Variants in TRMT1 observed in about 807,000 individuals in gnomAD.
TRMT1 encodes the protein tRNA methyltransferase 1.
TRMT1 carries 63 observed loss-of-function variants against 75.4 expected under a neutral mutation model. The observed-to-expected ratio is 0.84, with a 90% CI of 0.68 to 1.03. The LOEUF is 1.03. TRMT1 is among the 50% of genes least tolerant of loss of function. The probability of loss-of-function intolerance (pLI) is 0.00; values close to 1 mark genes in which losing one functional copy is unlikely to be tolerated. For missense variants in TRMT1, 870 were observed against 905.3 expected (o/e 0.96, Z 0.50); for synonymous variants, 382 against 358.1 (o/e 1.07, Z -0.75).
rs369400027 is a variant in TRMT1 at position 13,111,875 on chromosome 19, A to T, written c.870+830T>A. 2.1e-4 allele frequency among the ~76,000 whole-genome samples: 30 copies of T among 144,884 alleles called. No homozygotes were observed. The East Asian group carries it at 4.8e-3, about 23-fold the overall frequency. ...CTACCATGCCTGGCTAAGTTTTTGT[A>T]TGTTTAGTGGAGATCAGATTTCACC... On this transcript the variant is annotated intron_variant, in intron 7 of 16. Coordinates refer to ENST00000357720, the MANE Select transcript of TRMT1 (RefSeq NM_001136035.4).
At chr19:13,110,452 A>G (rs2145586466) in intron 7 of TRMT1, 146 bp from the exon 8 acceptor site, 1 of 879,138 alleles carries the variant, frequency 1.1e-6, no homozygotes, top group South Asian at 1.8e-5. Context: ...GGGACCCTCA[A>G]CAAGTGAGTA....
chr19:13,109,967 C>T lies in TRMT1; in HGVS notation c.1054G>A (p.Gly352Arg), dbSNP rs201563082. 92 of 1,613,722 alleles carry T rather than the reference C, an allele frequency of 5.7e-5. No individual in the cohort carries two copies. The East Asian group carries it at 6.7e-4, about 12-fold the overall frequency. Residue 352 changes from glycine to arginine, a missense_variant, in exon 9 of 17, where the codon GGG (glycine) becomes AGG (arginine). Coordinates refer to ENST00000357720, the MANE Select transcript of TRMT1 (RefSeq NM_001136035.4). ...CCGAGACGCTGAAGGTGGAAGGCCC[C>T]GCAGCCCACACACTGGAACACCAGC... ...QALVFQCVGC[G>R]AFHLQRLGKA...
chr19:13,116,228 T>C lies in TRMT1; in HGVS notation c.172A>G (p.Thr58Ala), dbSNP rs758792485. ...AAGGCGATTTTGGCAGCCCCCTCGG[T>C]GACTGTCGTCTCCTGGACTTCACGT... ...RPREVQETTV[T>A]EGAAKIAFPS... The change falls in exon 2 of 17, where the codon ACC (threonine) becomes GCC (alanine). Residue 58 changes from threonine to alanine, a missense_variant. Coordinates refer to ENST00000357720, the MANE Select transcript of TRMT1 (RefSeq NM_001136035.4). The C allele has an allele frequency of 6.0e-5, 97 of 1,614,182 alleles. No homozygotes were observed. The highest frequency in any genetic ancestry group is 8.1e-5 in the Non-Finnish European group (96 of 1,180,034).
intron 5 of TRMT1, 129 bp downstream of exon 5, chr19:13,115,150 A>G: frequency 4.0e-6 from 4 of 1,010,082 alleles, no homozygotes; most frequent in East Asian, 2.6e-5. Context: ...CTCAGTTGAC[A>G]GACAAGGAAA....
chr19:13,109,241 A>G (rs1262463943), intron 12 of TRMT1, 140 bp downstream of exon 12: 5 of 977,110 alleles, frequency 5.1e-6, no homozygotes, highest in Non-Finnish European at 7.5e-6. Flanking sequence ...CAGCCTCCCA[A>G]GGTACTGGGA....
intron 7 of TRMT1, among the ~76,000 whole-genome samples, chr19:13,110,877 G>A (rs916725713): frequency 6.6e-6 from 1 of 152,294 alleles, no homozygotes; most frequent in African/African-American, 2.4e-5. Flanking sequence ...TTGAACCTGG[G>A]AGGCGAAGGT....
chr19:13,109,763 C>A lies in TRMT1; in HGVS notation c.1176+6G>T. The A allele has an allele frequency of 6.2e-7, 1 of 1,614,136 alleles. No homozygotes were observed. The highest frequency in any genetic ancestry group is 8.5e-7 in the Non-Finnish European group (1 of 1,180,026). On this transcript the variant is annotated splice_donor_region_variant and intron_variant, in intron 10 of 16. Transcript: ENST00000357720. ...TGCTCCTTTGCCTCCCCTGGCCTAG[C>A]CCTACCTGGTGTCGTTGCCCACAGT...
chr19:13,106,924 C>T (rs2018900024), intron 14 of TRMT1, among the ~76,000 whole-genome samples: 3 of 144,712 alleles, frequency 2.1e-5, no homozygotes, highest in South Asian at 4.5e-4. Flanking sequence ...CCGGGGTTCA[C>T]GCCATTCTCC....
At chr19:13,115,826 C>T (rs2019324563) in intron 3 of TRMT1, 58 bp from the exon 4 acceptor site, 1 of 1,610,088 alleles carries the variant, frequency 6.2e-7, no homozygotes. Flanking sequence ...GAGAAACCTC[C>T]CCTTAATCTC....
At chr19:13,115,194 G>C in intron 5 of TRMT1, 85 bp downstream of exon 5, 1 of 1,405,728 alleles carries the variant, frequency 7.1e-7, no homozygotes, top group Non-Finnish European at 9.6e-7. Context: ...ACTCACTCAA[G>C]GTCACAGAGT....
In TRMT1 at chr19:13,105,528, G is replaced by C. The variant is rs2018825062; in HGVS notation, c.1662C>G (p.Asn554Lys). ...RQRGLKRFQA[N>K]PEANWGPRPR... The stretch of plus-strand genomic sequence containing the variant: ...GCCGGGGACCCCAGTTGGCCTCCGG[G>C]TTAGCCTGGAAGCGCTTGAGTCCTC... The change falls in exon 15 of 17, where the codon AAC (asparagine) becomes AAG (lysine). Residue 554 changes from asparagine to lysine, a missense_variant. Asn to Lys is a moderately conservative substitution (Grantham distance 94, BLOSUM62 0). Transcript: ENST00000357720. 3 of 1,614,062 alleles carry C rather than the reference G, an allele frequency of 1.9e-6. No homozygotes were observed. The highest frequency in any genetic ancestry group is 2.5e-6 in the Non-Finnish European group (3 of 1,180,012).
At position 13,112,941 on chromosome 19, in the gene TRMT1, G is replaced by T. The variant is rs898525936; in HGVS notation, c.712C>A (p.Pro238Thr). ...DVIDLDPYGSPATFLDAAVQA... is the reference protein window; with the variant it reads ...DVIDLDPYGSTATFLDAAVQA... ...ACAGCTGCATCCAGGAAGGTGGCTGGGCTGCCATAGGGGTCCAGATCGATG... is the reference window on the plus strand; with the variant it reads ...ACAGCTGCATCCAGGAAGGTGGCTGTGCTGCCATAGGGGTCCAGATCGATG... The change falls in exon 6 of 17, where the codon CCA becomes ACA. Residue 238 changes from proline (P) to threonine (T), a missense_variant. By Grantham distance (38) the Pro-to-Thr change is conservative (BLOSUM62 -1). Transcript: ENST00000357720. 4 of 1,613,930 alleles carry T rather than the reference G, an allele frequency of 2.5e-6. No individual in the cohort carries two copies. The African/African-American group carries it at 4.0e-5, about 16-fold the overall frequency.
Position 13,107,831 on chromosome 19 carries a change from C to T in TRMT1, c.1426G>A (p.Val476Ile). 1 of 1,551,748 alleles carries T rather than the reference C, an allele frequency of 6.4e-7. No individual in the cohort carries two copies. The highest frequency in any genetic ancestry group is 8.7e-7 in the Non-Finnish European group (1 of 1,147,018). ...TTCTTACAGGCGTGGGAGAGTGAGA[C>T]CCGGAAGTCAGCGTGGAGGAGGGCC... ...RSALLHADFRVSLSHACKNAV... is the reference protein window; with the variant it reads ...RSALLHADFRISLSHACKNAV... The change falls in exon 13 of 17, where the codon GTC becomes ATC. Residue 476 changes from valine (V) to isoleucine (I), a missense_variant. Val to Ile is a conservative substitution (Grantham distance 29). Transcript: ENST00000357720.
In TRMT1 at chr19:13,110,061, C is replaced by CT. The variant is rs2019078305; in HGVS notation, c.1020-61dup. The CT allele has an allele frequency of 6.2e-6, 10 of 1,611,946 alleles. No individual in the cohort carries two copies. In the Admixed American group the frequency reaches 1.7e-4, roughly 27 times the overall value. On this transcript the variant is annotated intron_variant, in intron 8 of 16. Transcript: ENST00000357720. ...GTGACCACGACACCCCAACTCCTCC[C>CT]TTAGACTGGCTCTGTCCCTTAAGAA...
intron 7 of TRMT1, 79 bp downstream of exon 7, chr19:13,112,626 G>A (rs928552492): frequency 1.4e-6 from 2 of 1,395,198 alleles, no homozygotes; most frequent in Non-Finnish European, 2.0e-6. Flanking sequence ...GTCTGAGGAG[G>A]GGGAAAGTGT....
Position 13,116,345 on chromosome 19 carries a change from A to G in TRMT1, c.55T>C (p.Ser19Pro), listed in dbSNP as rs1217412089. 6.2e-7 allele frequency: 1 copy of G among 1,613,476 alleles called. No homozygotes were observed. Among genetic ancestry groups the G allele is most frequent in the Non-Finnish European group, 8.5e-7 (1 of 1,179,834 alleles). Reference sequence around the variant, plus strand: ...TGCCACTCGAAAAACCGGGCTCTAGAGAGCACCCGGGCGGAGCGGAAAGTG... The same window carrying G: ...TGCCACTCGAAAAACCGGGCTCTAGGGAGCACCCGGGCGGAGCGGAAAGTG... ...SLTFRSARVL[S>P]RARFFEWQSP... Residue 19 changes from serine (S) to proline (P), a missense_variant, in exon 2 of 17, where the codon TCT becomes CCT. Physicochemically the swap from Ser to Pro is moderately conservative, Grantham distance 74 (BLOSUM62 -1). Coordinates refer to ENST00000357720, the MANE Select transcript of TRMT1 (RefSeq NM_001136035.4).
chr19:13,106,669 TAG>T (rs201210408), intron 14 of TRMT1, among the ~76,000 whole-genome samples: 2,124 of 147,468 alleles, frequency 0.014, 49 homozygotes, highest in African/African-American at 0.05. Flanking sequence ...GTATTTTTAG[TAG>T]AGACAGGGTT....
intron 1 of TRMT1, 72 bp from the exon 2 acceptor site, chr19:13,116,503 T>C: frequency 1.4e-6 from 2 of 1,452,268 alleles, no homozygotes; most frequent in Admixed American, 2.3e-5. Flanking sequence ...ATGTCCTACA[T>C]ATCTATGAGG....
rs568507875 is a variant in TRMT1, at chr19:13,106,436, G to A, written c.1584-830C>T. Among the ~76,000 whole-genome samples, 434 of 152,114 alleles carry A rather than the reference G, an allele frequency of 2.9e-3. 1 individual carries two copies. Among genetic ancestry groups the A allele is most frequent in the South Asian group, 0.011 (52 of 4,816 alleles). ...GTTCTCAGTGCTGGGAATAGACAGT[G>A]AACAAAATGGACAAAAAGTTACCCC... On this transcript the variant is annotated intron_variant, in intron 14 of 16. Transcript: ENST00000357720.
Sources: allele counts gnomAD v4.1 joint callset (sites outside exome capture counted in the v4.1 genomes callset), GRCh38; gene constraint gnomAD v4.1.1; transcripts MANE v1.5; gene names NCBI Gene and HGNC (gene_info 2026-07-23, HGNC 2026-07-21).